Variants in LGSN observed in about 807,000 individuals in gnomAD.
LGSN encodes the protein lengsin.
LGSN carries 21 observed loss-of-function variants against 19.5 expected under a neutral mutation model. The ratio of observed to expected loss-of-function variants is 1.07; its 90% CI spans 0.76 to 1.55. The LOEUF (loss-of-function observed/expected upper bound fraction) is 1.55. Ranked by LOEUF, LGSN falls within the 40% of genes most tolerant of loss-of-function variation. LGSN has a pLI of 0.00. For missense variants in LGSN, 673 were observed against 608.5 expected, an observed-to-expected ratio of 1.11 and a Z score of -1.12; for synonymous variants, 257 against 215.6, an observed-to-expected ratio of 1.19 and a Z score of -1.68.
intron 1 of LGSN, among the ~76,000 whole-genome samples, chr6:63,315,215 A>G (rs750945330): frequency 5.6e-4 from 85 of 152,204 alleles, no homozygotes; most frequent in Admixed American, 1.2e-3. Context: ...ATGTTGAAGT[A>G]TAAGGCCAGA....
the LGSN span, chr6:63,550,533 A>G: frequency 6.6e-6 from 1 of 152,210 alleles, no homozygotes; most frequent in African/African-American, 2.4e-5. Flanking sequence ...AAGGGCCTGT[A>G]AGAGCTCCTC....
the LGSN span, among the ~76,000 whole-genome samples, chr6:63,544,219 A>G: frequency 6.6e-6 from 1 of 152,228 alleles, no homozygotes; most frequent in Non-Finnish European, 1.5e-5. Flanking sequence ...AATTTGAGAT[A>G]TGAAGAAAAG....
chr6:63,505,407 G>A, the LGSN span, among the ~76,000 whole-genome samples: 1 of 150,984 alleles, frequency 6.6e-6, no homozygotes, highest in Admixed American at 6.6e-5. Flanking sequence ...GTGAAACCCC[G>A]TCTCTACTAA....
chr6:63,508,344 C>G, the LGSN span, among the ~76,000 whole-genome samples: 11 of 152,154 alleles, frequency 7.2e-5, no homozygotes, highest in Admixed American at 1.3e-4. Context: ...TTTTGATTGC[C>G]TTCCCTTTTG....
At chr6:63,386,846 C>G in the LGSN span, among the ~76,000 whole-genome samples, 1 of 152,132 alleles carries the variant, frequency 6.6e-6, no homozygotes, top group Admixed American at 6.6e-5. Context: ...TGCCTGTAAT[C>G]TCAATACTTT....
chr6:63,392,095 C>T, the LGSN span: 2 of 152,186 alleles, frequency 1.3e-5, no homozygotes, highest in African/African-American at 4.8e-5. Context: ...AACAGTGGTC[C>T]CATAAGATTA....
chr6:63,356,371 C>G, the LGSN span, among the ~76,000 whole-genome samples: 1 of 152,014 alleles, frequency 6.6e-6, no homozygotes, highest in Non-Finnish European at 1.5e-5. Flanking sequence ...GAAACCCCAT[C>G]TCTACTAAAA....
At chr6:63,487,586 G>A in the LGSN span, among the ~76,000 whole-genome samples, 4 of 152,222 alleles carry the variant, frequency 2.6e-5, no homozygotes, top group Non-Finnish European at 4.4e-5. Flanking sequence ...ATGGGCTTCA[G>A]GAGACAGATC....
At chr6:63,521,964 T>C in the LGSN span, 2 of 152,352 alleles carry the variant, frequency 1.3e-5, no homozygotes, top group Admixed American at 6.5e-5. Context: ...AGTTCTGATC[T>C]GTTCAAGGGC....
the LGSN span, among the ~76,000 whole-genome samples, chr6:63,469,877 C>A: frequency 1.3e-5 from 2 of 152,162 alleles, no homozygotes; most frequent in South Asian, 4.1e-4. Flanking sequence ...CCACCACACC[C>A]GGCTAATTTT....
At chr6:63,320,817 G>T (rs971045423), upstream of LGSN, among the ~76,000 whole-genome samples, 3 of 152,106 alleles carry the variant, frequency 2.0e-5, no homozygotes, top group Non-Finnish European at 4.4e-5. Context: ...ACTTCTTCCT[G>T]GTCTTCTGGG....
At chr6:63,566,983 G>C in the LGSN span, among the ~76,000 whole-genome samples, 1 of 152,306 alleles carries the variant, frequency 6.6e-6, no homozygotes, top group Admixed American at 6.5e-5. Flanking sequence ...TTCATAAGAA[G>C]CAACTCCTCA....
chr6:63,327,171 T>G, the LGSN span, among the ~76,000 whole-genome samples: 1 of 152,136 alleles, frequency 6.6e-6, no homozygotes, highest in East Asian at 1.9e-4. Flanking sequence ...TGCCAGTGGG[T>G]CGGTCCAGGG....
the LGSN span, among the ~76,000 whole-genome samples, chr6:63,504,300 G>A: frequency 6.6e-6 from 1 of 151,420 alleles, no homozygotes; most frequent in Non-Finnish European, 1.5e-5. Flanking sequence ...GGAGTGCAGT[G>A]GTGCAATCTC....
chr6:63,329,250 T>C, the LGSN span, among the ~76,000 whole-genome samples: 1 of 152,190 alleles, frequency 6.6e-6, no homozygotes, highest in Non-Finnish European at 1.5e-5. Flanking sequence ...GGCAAGACCG[T>C]CCACATAAGT....
chr6:63,555,020 T>C, the LGSN span, among the ~76,000 whole-genome samples: 4 of 152,182 alleles, frequency 2.6e-5, no homozygotes, highest in Non-Finnish European at 5.9e-5. Context: ...GTGGCTGATA[T>C]CAGAACACAG....
At chr6:63,362,822 C>A in the LGSN span, among the ~76,000 whole-genome samples, 2 of 152,158 alleles carry the variant, frequency 1.3e-5, no homozygotes, top group Non-Finnish European at 2.9e-5. Context: ...CTTAAACATC[C>A]CTGTCTGACA....
In LGSN at chr6:63,276,574, C is replaced by T. The variant is rs988401469; in HGVS notation, c.*3447G>A. On this transcript the variant is annotated 3_prime_UTR_variant, in exon 4 of 4. Coordinates refer to ENST00000370657, the MANE Select transcript of LGSN (RefSeq NM_016571.3). ...TTTTGTAAAGCTATTTATAAGGCAC[C>T]CTTTTCGAGCCATAAAGAAGCTTTC... is the stretch of plus-strand genomic sequence containing the variant. 2 of 152,054 alleles carry T rather than the reference C, an allele frequency of 1.3e-5. No homozygotes were observed. The highest frequency in any genetic ancestry group is 2.9e-5 in the Non-Finnish European group (2 of 67,992). 9.4% of individuals were successfully genotyped at this position (152,054 alleles called of 1,614,324 possible).
the LGSN span, among the ~76,000 whole-genome samples, chr6:63,372,669 A>G: frequency 6.6e-6 from 1 of 152,210 alleles, no homozygotes; most frequent in Non-Finnish European, 1.5e-5. Flanking sequence ...GAAAGCAAAG[A>G]ATAAAATAGT....
Sources: gnomAD v4.1 joint callset for allele counts (sites outside exome capture counted in the v4.1 genomes callset) on GRCh38, gnomAD v4.1.1 for gene constraint, MANE v1.5 for transcripts, NCBI Gene and HGNC (gene_info 2026-07-23, HGNC 2026-07-21) for gene names.